The following HPSE2 variants were observed in gnomAD, a reference collection of about 807,000 sequenced individuals.
The protein encoded by HPSE2 is heparanase 2 (inactive).
HPSE2 carries 38 observed loss-of-function variants against 60.5 expected under a neutral mutation model. The ratio of observed to expected loss-of-function variants is 0.63; its 90% CI spans 0.48 to 0.82. The LOEUF (loss-of-function observed/expected upper bound fraction) is 0.82. Ranked by LOEUF, HPSE2 falls within the 40% of genes least tolerant of loss-of-function variation. The pLI, the probability that HPSE2 is intolerant of heterozygous loss-of-function variation, is 0.00. For synonymous variants in HPSE2, 295 were observed against 293.2 expected, an observed-to-expected ratio of 1.01 and a Z score of -0.06; for missense variants, 713 against 740.4, an observed-to-expected ratio of 0.96 and a Z score of 0.43.
chr10:99,097,216 G>A (rs935584689), intron 3 of HPSE2, among the ~76,000 whole-genome samples: 1 of 152,074 alleles, frequency 6.6e-6, no homozygotes, highest in African/African-American at 2.4e-5. Context: ...GCTTCAAATA[G>A]GGGACAGAGA....
At chr10:98,555,516 G>A (rs1943981234) in intron 9 of HPSE2, among the ~76,000 whole-genome samples, 1 of 152,160 alleles carries the variant, frequency 6.6e-6, no homozygotes. Flanking sequence ...GGCTCTCCAC[G>A]GGATTCGTTT....
chr10:99,296,407 G>A, the HPSE2 span, among the ~76,000 whole-genome samples: 1 of 152,182 alleles, frequency 6.6e-6, no homozygotes, highest in Non-Finnish European at 1.5e-5. Context: ...CAGAGTTACT[G>A]CCCCTTTCTG....
At chr10:98,720,533 T>C (rs977902036) in intron 5 of HPSE2, among the ~76,000 whole-genome samples, 3 of 152,166 alleles carry the variant, frequency 2.0e-5, no homozygotes, top group Non-Finnish European at 2.9e-5. Flanking sequence ...TGAAACCTGA[T>C]GAAATTGTTC....
intron 9 of HPSE2, among the ~76,000 whole-genome samples, chr10:98,576,336 G>T (rs1163439806): frequency 6.7e-6 from 1 of 150,344 alleles, no homozygotes; most frequent in Non-Finnish European, 1.5e-5. Flanking sequence ...CCCACAGAAT[G>T]AAGACAACTG....
At chr10:98,759,032 C>A (rs1214269808) in intron 3 of HPSE2, among the ~76,000 whole-genome samples, 1 of 152,124 alleles carries the variant, frequency 6.6e-6, no homozygotes, top group African/African-American at 2.4e-5. Context: ...ATGTCCTTTG[C>A]AGCAACATGG....
chr10:98,937,763 T>C (rs1422856035), intron 3 of HPSE2, among the ~76,000 whole-genome samples: 1 of 141,558 alleles, frequency 7.1e-6, no homozygotes, highest in Non-Finnish European at 1.5e-5. Context: ...GCTGGAGATC[T>C]GAGAACGGGC....
At chr10:98,824,563 C>A (rs955245211) in intron 3 of HPSE2, among the ~76,000 whole-genome samples, 1 of 152,112 alleles carries the variant, frequency 6.6e-6, no homozygotes, top group Admixed American at 6.6e-5. Flanking sequence ...AATGATGGAG[C>A]TAATTTTTAG....
chr10:98,696,885 C>T (rs984055473), intron 5 of HPSE2, among the ~76,000 whole-genome samples: 2 of 152,100 alleles, frequency 1.3e-5, no homozygotes, highest in Non-Finnish European at 2.9e-5. Flanking sequence ...CCCAGTGAAC[C>T]GCAGCAGCCC....
At chr10:99,140,063 T>G (rs1029781596) in intron 3 of HPSE2, among the ~76,000 whole-genome samples, 1 of 152,244 alleles carries the variant, frequency 6.6e-6, no homozygotes, top group Non-Finnish European at 1.5e-5. Context: ...TTTTAAACAT[T>G]ATTTTACTTT....
chr10:99,252,518 T>C, the HPSE2 span, among the ~76,000 whole-genome samples: 3 of 152,148 alleles, frequency 2.0e-5, no homozygotes, highest in Non-Finnish European at 4.4e-5. Context: ...AGTATTTTTA[T>C]ACACCAATAA....
At chr10:99,109,122 C>A (rs540362896) in intron 3 of HPSE2, among the ~76,000 whole-genome samples, 1 of 152,254 alleles carries the variant, frequency 6.6e-6, no homozygotes, top group African/African-American at 2.4e-5. Context: ...AGTACATATA[C>A]AAATCAAGTC....
At chr10:98,803,440 T>A (rs1472002015) in intron 3 of HPSE2, among the ~76,000 whole-genome samples, 2 of 151,208 alleles carry the variant, frequency 1.3e-5, no homozygotes, top group Non-Finnish European at 3.0e-5. Flanking sequence ...TCTTCTAGGG[T>A]TTTTATGGTT....
At chr10:98,902,253 G>A (rs1222228517) in intron 3 of HPSE2, among the ~76,000 whole-genome samples, 2 of 152,116 alleles carry the variant, frequency 1.3e-5, no homozygotes, top group Non-Finnish European at 1.5e-5. Context: ...TATGAATAAA[G>A]GTGCATTTGA....
At chr10:98,868,630 A>G (rs1452240344) in intron 3 of HPSE2, among the ~76,000 whole-genome samples, 8 of 152,170 alleles carry the variant, frequency 5.3e-5, no homozygotes, top group Non-Finnish European at 1.2e-4. Flanking sequence ...ATGTACACCT[A>G]CTATGTATCT....
chr10:98,823,970 G>C (rs1378997999), intron 3 of HPSE2, among the ~76,000 whole-genome samples: 1 of 152,112 alleles, frequency 6.6e-6, no homozygotes, highest in African/African-American at 2.4e-5. Flanking sequence ...TACAAAGCAG[G>C]TCCTAACAAA....
intron 1 of HPSE2, among the ~76,000 whole-genome samples, chr10:99,233,402 G>A (rs1489752958): frequency 6.6e-6 from 1 of 152,180 alleles, no homozygotes; most frequent in African/African-American, 2.4e-5. Flanking sequence ...GAACCTGCGC[G>A]TTATGGGATA....
the HPSE2 span, among the ~76,000 whole-genome samples, chr10:99,273,962 G>T: frequency 6.6e-6 from 1 of 152,246 alleles, no homozygotes; most frequent in Non-Finnish European, 1.5e-5. Flanking sequence ...CTTTACAGAA[G>T]AGAAAGGCAA....
chr10:98,854,289 C>T (rs1952254058), intron 3 of HPSE2, among the ~76,000 whole-genome samples: 1 of 152,104 alleles, frequency 6.6e-6, no homozygotes, highest in Admixed American at 6.5e-5. Flanking sequence ...AGAATTATCT[C>T]AAGGGTCAAG....
intron 9 of HPSE2, among the ~76,000 whole-genome samples, chr10:98,569,436 A>G (rs1464868392): frequency 6.6e-6 from 1 of 152,222 alleles, no homozygotes; most frequent in Non-Finnish European, 1.5e-5. Context: ...AATAAACTTA[A>G]TGATACATTT....
Sources: gnomAD v4.1 joint callset for allele counts (sites outside exome capture counted in the v4.1 genomes callset) on GRCh38, gnomAD v4.1.1 for gene constraint, MANE v1.5 for transcripts, NCBI Gene and HGNC (gene_info 2026-07-23, HGNC 2026-07-21) for gene names.